FHIT: variants seen among roughly 807,000 people sequenced by gnomAD.
FHIT encodes fragile histidine triad diadenosine triphosphatase.
A neutral mutation model predicts 17.9 loss-of-function variants in FHIT; 19 were observed. The ratio of observed to expected loss-of-function variants is 1.06; its 90% confidence interval spans 0.74 to 1.56. FHIT has a LOEUF of 1.56. Ranked by LOEUF, FHIT falls within the 40% of genes most tolerant of loss-of-function variation. The pLI is 0.00. For missense variants in FHIT, 248 were observed against 189.2 expected, an observed-to-expected ratio of 1.31 and a Z score of -1.82; for synonymous variants, 81 against 69.7, an observed-to-expected ratio of 1.16 and a Z score of -0.81.
In FHIT at chr3:60,581,040, C is replaced by T. The variant is rs569187351; in HGVS notation, c.-17-44061G>A. Among the ~76,000 whole-genome samples the T allele has an allele frequency of 2.4e-4, 37 of 152,096 alleles. No individual in the cohort carries two copies. In the South Asian group the frequency reaches 3.1e-3, roughly 13 times the overall value. ...AGGATTCCAGGTGGTGCTGATGCTG[C>T]GGAGTTAGAGAGTACACAAGAAGCA... On this transcript the variant is annotated intron_variant, in intron 4 of 9. Transcript: ENST00000492590.
intron 5 of FHIT, among the ~76,000 whole-genome samples, chr3:60,225,197 T>C (rs922811915): frequency 6.6e-6 from 1 of 152,236 alleles, no homozygotes; most frequent in Non-Finnish European, 1.5e-5. Context: ...CATGCCTCTG[T>C]GGCAGGCCTG....
chr3:59,836,135 T>C (rs923942793), intron 8 of FHIT, among the ~76,000 whole-genome samples: 3 of 151,060 alleles, frequency 2.0e-5, no homozygotes, highest in Non-Finnish European at 4.4e-5. Context: ...TCAAGAAGAC[T>C]TGATGGACTA....
chr3:60,730,241 C>T (rs1577129004), intron 4 of FHIT: 1 of 262,558 alleles, frequency 3.8e-6, no homozygotes, highest in Non-Finnish European at 8.1e-6. Flanking sequence ...GTCATGGCCA[C>T]AGCCAGCTCA....
chr3:61,115,993 T>C (rs1255556469), intron 2 of FHIT, among the ~76,000 whole-genome samples: 1 of 152,136 alleles, frequency 6.6e-6, no homozygotes, highest in Non-Finnish European at 1.5e-5. Context: ...TTACATAATA[T>C]CATTAACTCC....
In FHIT at chr3:59,830,512, G is replaced by A. The variant is rs116067479; in HGVS notation, c.349-78191C>T. On this transcript the variant is annotated intron_variant, in intron 8 of 9. Coordinates refer to ENST00000492590, the MANE Select transcript of FHIT (RefSeq NM_002012.4). Reference sequence around the variant, plus strand: ...CTGTCTCCTGAAAATGTTGCTTTGCGATTCCAAAAGCAATCAGAGGTTGTT... The same window carrying A: ...CTGTCTCCTGAAAATGTTGCTTTGCAATTCCAAAAGCAATCAGAGGTTGTT... Among the ~76,000 whole-genome samples the A allele has an allele frequency of 7.0e-3, 1,070 of 152,304 alleles. 7 individuals carry two copies. Among genetic ancestry groups the A allele is most frequent in the African/African-American group, 0.015 (630 of 41,562 alleles).
chr3:60,427,309 A>C (rs142250723), intron 5 of FHIT, among the ~76,000 whole-genome samples: 4 of 152,118 alleles, frequency 2.6e-5, no homozygotes, highest in East Asian at 1.9e-4. Context: ...AATCACAAGG[A>C]AACAGATTCT....
intron 8 of FHIT, among the ~76,000 whole-genome samples, chr3:59,902,701 A>T (rs1316955349): frequency 1.3e-5 from 2 of 152,226 alleles, no homozygotes; most frequent in African/African-American, 2.4e-5. Context: ...ACACAGAAAG[A>T]AAACTACTGC....
intron 4 of FHIT, among the ~76,000 whole-genome samples, chr3:60,804,382 T>TA (rs1701308255): frequency 6.6e-6 from 1 of 152,326 alleles, no homozygotes; most frequent in African/African-American, 2.4e-5. Context: ...CCTTATACTT[T>TA]AGTTCAGATG....
At chr3:59,936,270 A>AT (rs983246052) in intron 7 of FHIT, among the ~76,000 whole-genome samples, 2 of 152,092 alleles carry the variant, frequency 1.3e-5, no homozygotes, top group East Asian at 1.9e-4. Flanking sequence ...AAGAATATCT[A>AT]TTTTTTTATT....
intron 4 of FHIT, among the ~76,000 whole-genome samples, chr3:60,738,417 G>A (rs1483471577): frequency 3.9e-5 from 6 of 152,166 alleles, no homozygotes; most frequent in African/African-American, 9.7e-5. Context: ...AGTCCAAGCC[G>A]AGGGACTTTC....
intron 3 of FHIT, among the ~76,000 whole-genome samples, chr3:60,851,244 A>G (rs1433002094): frequency 3.3e-5 from 5 of 152,140 alleles, no homozygotes; most frequent in Non-Finnish European, 7.4e-5. Flanking sequence ...TAATTCCCCC[A>G]CAGAATAAAA....
At chr3:60,126,068 T>C (rs1214578924) in intron 5 of FHIT, among the ~76,000 whole-genome samples, 1 of 152,114 alleles carries the variant, frequency 6.6e-6, no homozygotes, top group African/African-American at 2.4e-5. Flanking sequence ...GAGGGCTTCA[T>C]AAGGATACCA....
intron 5 of FHIT, among the ~76,000 whole-genome samples, chr3:60,135,581 G>C (rs1699783891): frequency 6.6e-6 from 1 of 152,068 alleles, no homozygotes; most frequent in African/African-American, 2.4e-5. Flanking sequence ...AGGAGAAGAG[G>C]TTCTACATGA....
chr3:61,169,568 T>G (rs2037937201), intron 2 of FHIT, among the ~76,000 whole-genome samples: 1 of 152,178 alleles, frequency 6.6e-6, no homozygotes, highest in South Asian at 2.1e-4. Context: ...TAATATGAAT[T>G]TAGTTGGAAG....
chr3:61,175,991 T>C (rs143358485), intron 2 of FHIT, among the ~76,000 whole-genome samples: 10 of 152,370 alleles, frequency 6.6e-5, no homozygotes, highest in Admixed American at 2.6e-4. Flanking sequence ...GTAGCCAAGA[T>C]CTTTTCTCAT....
At chr3:60,841,836 C>T (rs1559763253) in intron 3 of FHIT, among the ~76,000 whole-genome samples, 1 of 152,056 alleles carries the variant, frequency 6.6e-6, no homozygotes, top group Non-Finnish European at 1.5e-5. Flanking sequence ...ACAAAAATGT[C>T]TTAGAACTGA....
intron 8 of FHIT, among the ~76,000 whole-genome samples, chr3:59,797,508 G>C (rs1699824645): frequency 6.6e-6 from 1 of 152,124 alleles, no homozygotes; most frequent in African/African-American, 2.4e-5. Flanking sequence ...TAAAAATAGT[G>C]ATAGGCAAAT....
rs189231763 is a variant in FHIT at position 59,769,300 on chromosome 3, T to G, written c.349-16979A>C. 9.8e-5 allele frequency among the ~76,000 whole-genome samples: 15 copies of G among 152,286 alleles called. No individual in the cohort carries two copies. The East Asian group carries it at 2.9e-3, about 29-fold the overall frequency. On this transcript the variant is annotated intron_variant, in intron 8 of 9. Coordinates refer to ENST00000492590, the MANE Select transcript of FHIT (RefSeq NM_002012.4). ...GGCTCGGAGTGTGTTTTGGGTGATC[T>G]GCCAAGCAGTGAGAACCCATGGTCA...
intron 8 of FHIT, among the ~76,000 whole-genome samples, chr3:59,798,453 T>A (rs1416342752): frequency 6.6e-6 from 1 of 152,202 alleles, no homozygotes; most frequent in Non-Finnish European, 1.5e-5. Context: ...AATGTGCAAG[T>A]CACTGTGTAT....
Sources: gnomAD v4.1 joint callset for allele counts (sites outside exome capture counted in the v4.1 genomes callset) on GRCh38, gnomAD v4.1.1 for gene constraint, MANE v1.5 for transcripts, NCBI Gene and HGNC (gene_info 2026-07-23, HGNC 2026-07-21) for gene names.